The following EBF1 variants were observed in gnomAD, a reference collection of about 807,000 sequenced individuals.
EBF1 encodes the protein transcription factor COE1.
A neutral mutation model predicts 68.4 loss-of-function variants in EBF1; 10 were observed. The ratio of observed to expected loss-of-function variants is 0.15; its 90% confidence interval spans 0.09 to 0.25. EBF1 has a LOEUF of 0.25. EBF1 is among the 10% of genes least tolerant of loss of function. The pLI, the probability that EBF1 is intolerant of heterozygous loss-of-function variation, is 1.00. For synonymous variants in EBF1, 298 were observed against 299.8 expected (o/e 0.99, Z 0.06); for missense variants, 509 against 794.4 (o/e 0.64, Z 4.32).
chr5:158,989,245 G>A (rs1219839260), intron 6 of EBF1, among the ~76,000 whole-genome samples: 1 of 152,206 alleles, frequency 6.6e-6, no homozygotes, highest in East Asian at 1.9e-4. Flanking sequence ...AATTGGAGAA[G>A]AAGGGCTTTC....
chr5:158,956,802 A>G (rs1239210130), intron 6 of EBF1, among the ~76,000 whole-genome samples: 1 of 123,650 alleles, frequency 8.1e-6, no homozygotes, highest in Non-Finnish European at 1.6e-5. Context: ...TCTGTCGCCC[A>G]GGCTGGAGTG....
chr5:158,838,410 C>T (rs1282002668), intron 7 of EBF1, among the ~76,000 whole-genome samples: 5 of 137,044 alleles, frequency 3.6e-5, no homozygotes, highest in Non-Finnish European at 7.6e-5. Context: ...TGTGCCACTG[C>T]ACTCCAGCCT....
chr5:158,917,184 A>G (rs547682166), intron 6 of EBF1, among the ~76,000 whole-genome samples: 2 of 152,330 alleles, frequency 1.3e-5, no homozygotes, highest in Non-Finnish European at 2.9e-5. Flanking sequence ...TAAGCTGCCT[A>G]TTATACCTAA....
In EBF1 at chr5:159,099,588, ATTT is replaced by A; in HGVS notation, c.-113_-111del. 1 of 1,127,912 alleles carries A rather than the reference ATTT, an allele frequency of 8.9e-7. No homozygotes were observed. The highest frequency in any genetic ancestry group is 1.7e-5 in the African/African-American group (1 of 60,552). The allele number at this position is 1,127,912 out of a possible 1,614,324, so 69.9% of individuals were successfully genotyped here. A position where few individuals can be genotyped will look rare whatever the true frequency, so the allele number is the denominator to read the frequency against. On this transcript the variant is annotated 5_prime_UTR_variant, in exon 1 of 16. Transcript: ENST00000313708. ...AAAGAAACAAAAACGCCAACCAGAG[ATTT>A]TTTTTTTTCTCAGACGATGAACTCG...
chr5:158,958,837 C>T (rs1817638577), intron 6 of EBF1, among the ~76,000 whole-genome samples: 2 of 152,098 alleles, frequency 1.3e-5, no homozygotes, highest in African/African-American at 4.8e-5. Flanking sequence ...CGTTCAATGC[C>T]ATGTGCCGTG....
At chr5:158,923,452 G>A (rs934513226) in intron 6 of EBF1, among the ~76,000 whole-genome samples, 9 of 152,044 alleles carry the variant, frequency 5.9e-5, no homozygotes, top group African/African-American at 2.2e-4. Flanking sequence ...AATATTTTAA[G>A]AAATTTTGCC....
At chr5:159,097,485 C>G in intron 1 of EBF1, 1 of 316,818 alleles carries the variant, frequency 3.2e-6, no homozygotes, top group Non-Finnish European at 5.9e-6. Flanking sequence ...GTGAACCCAC[C>G]TTCGCGGAGT....
chr5:158,840,188 G>A (rs894262104), intron 6 of EBF1, 78 bp from the exon 7 acceptor site: 27 of 1,045,794 alleles, frequency 2.6e-5, no homozygotes, highest in Non-Finnish European at 3.9e-5. Context: ...TCACCCCTGG[G>A]TTGTGCATTC....
At chr5:159,037,248 C>A (rs1472250238) in intron 6 of EBF1, among the ~76,000 whole-genome samples, 1 of 83,244 alleles carries the variant, frequency 1.2e-5, no homozygotes, top group Non-Finnish European at 2.4e-5. Flanking sequence ...GTCAGTGTGG[C>A]GATTCCTCAG....
intron 6 of EBF1, among the ~76,000 whole-genome samples, chr5:158,978,418 A>T (rs953139321): frequency 2.6e-5 from 4 of 151,998 alleles, no homozygotes; most frequent in African/African-American, 9.7e-5. Context: ...TTATTTATTT[A>T]TTTTTTTGGA....
intron 9 of EBF1, among the ~76,000 whole-genome samples, chr5:158,777,993 G>T (rs149194543): frequency 2.3e-3 from 347 of 152,270 alleles, no homozygotes; most frequent in African/African-American, 8.1e-3. Flanking sequence ...GTGCACGTAT[G>T]AAGTACCCCT....
At chr5:158,906,093 T>C (rs1391325397) in intron 6 of EBF1, among the ~76,000 whole-genome samples, 8 of 152,106 alleles carry the variant, frequency 5.3e-5, no homozygotes, top group African/African-American at 1.4e-4. Context: ...AGCTTTACCA[T>C]GAGGGGAAGG....
chr5:158,878,485 T>C (rs560117867), intron 6 of EBF1, among the ~76,000 whole-genome samples: 2 of 152,322 alleles, frequency 1.3e-5, no homozygotes, highest in South Asian at 4.1e-4. Flanking sequence ...TGCTAAATGC[T>C]ATGTCTCATT....
chr5:159,068,863 G>C (rs145210224), intron 6 of EBF1, among the ~76,000 whole-genome samples: 2 of 151,980 alleles, frequency 1.3e-5, no homozygotes, highest in African/African-American at 2.4e-5. Flanking sequence ...AGTGTGACCC[G>C]AAGTAATTCC....
At chr5:159,093,519 C>G (rs1478754451) in intron 4 of EBF1, among the ~76,000 whole-genome samples, 2 of 152,120 alleles carry the variant, frequency 1.3e-5, no homozygotes, top group East Asian at 3.8e-4. Context: ...CTTTCTCTCT[C>G]TCTTCCTCCC....
intron 5 of EBF1, among the ~76,000 whole-genome samples, chr5:159,075,734 C>T (rs1484246601): frequency 6.6e-6 from 1 of 152,150 alleles, no homozygotes; most frequent in Non-Finnish European, 1.5e-5. Context: ...TAATGGCTTC[C>T]CACTGCACTT....
intron 6 of EBF1, among the ~76,000 whole-genome samples, chr5:159,017,558 T>A (rs922934374): frequency 6.6e-6 from 1 of 152,200 alleles, no homozygotes; most frequent in African/African-American, 2.4e-5. Context: ...AATAGCAAGG[T>A]CTCAACCTTG....
chr5:158,896,941 C>A (rs1446578862), intron 6 of EBF1, among the ~76,000 whole-genome samples: 2 of 152,092 alleles, frequency 1.3e-5, no homozygotes, highest in African/African-American at 4.8e-5. Context: ...GTTCTTATAG[C>A]TAAATAGTAA....
Position 158,823,324 on chromosome 5 carries a change from A to G in EBF1, c.637-7T>C. On this transcript the variant is annotated splice_polypyrimidine_tract_variant and splice_region_variant and intron_variant, in intron 7 of 15. Coordinates refer to ENST00000313708, the MANE Select transcript of EBF1 (RefSeq NM_024007.5). ...CTGTCGTAGACACCACGACCTGGAGACATAAGAAAGAAATGAATGAACATT... is the reference window on the plus strand; with the variant it reads ...CTGTCGTAGACACCACGACCTGGAGGCATAAGAAAGAAATGAATGAACATT... The G allele has an allele frequency of 1.2e-6, 2 of 1,600,176 alleles. No homozygotes were observed. Among genetic ancestry groups the G allele is most frequent in the Non-Finnish European group, 1.7e-6 (2 of 1,173,430 alleles).
Sources: gnomAD v4.1 joint callset for allele counts (sites outside exome capture counted in the v4.1 genomes callset) on GRCh38, gnomAD v4.1.1 for gene constraint, MANE v1.5 for transcripts, NCBI Gene and HGNC (gene_info 2026-07-23, HGNC 2026-07-21) for gene names.